Variants in CCNK observed in about 807,000 individuals in gnomAD.
The protein encoded by CCNK is cyclin K, also known as cyclin-K.
Under a neutral mutation model 65.0 loss-of-function variants are expected in CCNK, and 9 were observed. That is an observed-to-expected ratio of 0.14 (90% CI 0.08 to 0.24). CCNK has a LOEUF of 0.24. CCNK is among the 10% of genes least tolerant of loss of function. The pLI is 1.00. For missense variants in CCNK, 474 were observed against 720.0 expected, an observed-to-expected ratio of 0.66 and a Z score of 3.91; for synonymous variants, 279 against 270.8, an observed-to-expected ratio of 1.03 and a Z score of -0.30.
At chr14:99,504,007 G>C (rs3918092) in intron 9 of CCNK, 109 of 352,736 alleles carry the variant, frequency 3.1e-4, no homozygotes, top group South Asian at 1.2e-3. Context: ...CAGCAGATGC[G>C]GGGGGGCAGT....
intron 9 of CCNK, chr14:99,503,875 G>A (rs972374149): frequency 5.5e-6 from 3 of 546,068 alleles, no homozygotes; most frequent in Admixed American, 3.4e-5. Flanking sequence ...CAATAAAAAT[G>A]TACTCAGTAA....
intron 2 of CCNK, 148 bp downstream of exon 2, chr14:99,493,022 T>C: frequency 2.7e-6 from 2 of 742,706 alleles, no homozygotes; most frequent in South Asian, 4.6e-5. Flanking sequence ...CTGGTGGGGG[T>C]TTTTCTCTTT....
chr14:99,506,337 T>A (rs1473102526), intron 9 of CCNK: 1 of 152,258 alleles, frequency 6.6e-6, no homozygotes, highest in Non-Finnish European at 1.5e-5. Flanking sequence ...AGGGTTCTTT[T>A]TCAGTTGTGA....
At chr14:99,494,759 C>T (rs1896665161) in intron 3 of CCNK, 1 of 152,250 alleles carries the variant, frequency 6.6e-6, no homozygotes, top group African/African-American at 2.4e-5. Flanking sequence ...ATAATTTACA[C>T]ACAACAGAAA....
At chr14:99,500,691 G>A in intron 4 of CCNK, 75 bp from the exon 5 acceptor site, 1 of 947,796 alleles carries the variant, frequency 1.1e-6, no homozygotes, top group Non-Finnish European at 1.7e-6. Context: ...AAATAGACAG[G>A]AAAGCTCACT....
chr14:99,507,280 G>A, intron 10 of CCNK, 133 bp downstream of exon 10: 3 of 724,734 alleles, frequency 4.1e-6, no homozygotes, highest in Non-Finnish European at 5.0e-6. Context: ...AGGAATCTTT[G>A]CAAAATTGTT....
At chr14:99,495,768 C>T in intron 4 of CCNK, 139 bp downstream of exon 4, 1 of 679,728 alleles carries the variant, frequency 1.5e-6, no homozygotes, top group Non-Finnish European at 2.4e-6. Context: ...GTAGAAGTTA[C>T]TTGATGCTTT....
At chr14:99,491,306 T>TATCG (rs1896593078) in intron 1 of CCNK, among the ~76,000 whole-genome samples, 1 of 152,224 alleles carries the variant, frequency 6.6e-6, no homozygotes, top group South Asian at 2.1e-4. Context: ...TTTTGTTGGA[T>TATCG]ATCGTCAACT....
In CCNK at chr14:99,510,686, C is replaced by T. The variant is rs757709075; in HGVS notation, c.1647C>T (p.Ala549=). Residue 549 remains alanine, a synonymous_variant, in exon 11 of 11, where the codon GCC becomes GCT. Coordinates refer to ENST00000389879, the MANE Select transcript of CCNK (RefSeq NM_001099402.2). The part of the protein sequence containing the change: ...GLPPASYPPP[A]VPPGGQPPVP... ...CGCCAGCCAGCTACCCACCTCCTGC[C>T]GTCCCCCCTGGAGGACAGCCTCCTG... 3.7e-5 allele frequency: 52 copies of T among 1,407,162 alleles called. No individual in the cohort carries two copies. The Admixed American group carries it at 6.8e-4, about 18-fold the overall frequency. 87.2% of individuals were successfully genotyped at this position (1,407,162 alleles called of 1,614,324 possible).
At chr14:99,492,454 A>G (rs1896615511) in intron 1 of CCNK, 172 bp from the exon 2 acceptor site, 2 of 506,500 alleles carry the variant, frequency 3.9e-6, no homozygotes, top group Non-Finnish European at 6.8e-6. Context: ...TACTGGGGTC[A>G]TCTTACAGTA....
intron 6 of CCNK, chr14:99,501,710 T>C: frequency 2.8e-6 from 1 of 355,410 alleles, no homozygotes; most frequent in African/African-American, 2.1e-5. Context: ...TAGAGCCCAT[T>C]TGGTTTTGCA....
chr14:99,493,642 T>C (rs1447132066), intron 3 of CCNK, 47 bp downstream of exon 3: 7 of 1,292,634 alleles, frequency 5.4e-6, no homozygotes, highest in African/African-American at 1.5e-5. Flanking sequence ...TGTTATTATT[T>C]CCACACAGTT....
chr14:99,502,772 C>T lies in CCNK; in HGVS notation c.799C>T (p.His267Tyr), dbSNP rs1325330474. 1.9e-6 allele frequency: 3 copies of T among 1,613,700 alleles called. No homozygotes were observed. Among genetic ancestry groups the T allele is most frequent in the Non-Finnish European group, 2.5e-6 (3 of 1,179,774 alleles). The change falls in exon 8 of 11, where the codon CAT (histidine) becomes TAT (tyrosine). Residue 267 changes from histidine to tyrosine, a missense_variant. By Grantham distance (83) the His-to-Tyr change is moderately conservative (BLOSUM62 2). Around this residue, in one of 6 missense-constraint regions of CCNK, gnomAD observed 67 missense variants for 150.2 expected, o/e 0.45. Transcript: ENST00000389879. ...LYSQGKQQMPHHTPHQLQQPP... is the reference protein window; with the variant it reads ...LYSQGKQQMPYHTPHQLQQPP... Reference sequence around the variant, plus strand: ...CTCACAAGGAAAACAACAGATGCCTCATCACACCCCCCATCAGCTGCAACA... The same window carrying T: ...CTCACAAGGAAAACAACAGATGCCTTATCACACCCCCCATCAGCTGCAACA...
chr14:99,496,571 G>A (rs3918072), intron 4 of CCNK, among the ~76,000 whole-genome samples: 4 of 151,958 alleles, frequency 2.6e-5, no homozygotes, highest in East Asian at 1.9e-4. Context: ...TTAACCGGGC[G>A]TGGTGGTGGG....
chr14:99,489,817 T>G lies in CCNK; in HGVS notation c.-52-2809T>G, dbSNP rs547379671. 1.3e-4 allele frequency among the ~76,000 whole-genome samples: 20 copies of G among 152,226 alleles called. No homozygotes were observed. In the South Asian group the frequency reaches 4.1e-3, roughly 32 times the overall value. ...CACCTAATGGCCACATTGGAATAATTTGAGCAACAAAATAAATAATGATAG... is the reference window on the plus strand; with the variant it reads ...CACCTAATGGCCACATTGGAATAATGTGAGCAACAAAATAAATAATGATAG... On this transcript the variant is annotated intron_variant, in intron 1 of 10. Coordinates refer to ENST00000389879, the MANE Select transcript of CCNK (RefSeq NM_001099402.2).
intron 9 of CCNK, chr14:99,504,183 G>A (rs1462460770): frequency 4.2e-6 from 1 of 235,648 alleles, no homozygotes; most frequent in South Asian, 3.6e-5. Context: ...AGCAAAATTG[G>A]AACAATTACA....
At chr14:99,497,832 CTTAA>C (rs1896734898) in intron 4 of CCNK, among the ~76,000 whole-genome samples, 1 of 152,134 alleles carries the variant, frequency 6.6e-6, no homozygotes, top group African/African-American at 2.4e-5. Context: ...CTCTTTTGAA[CTTAA>C]TTATAAATCC....
chr14:99,488,466 C>T (rs1466872542), intron 1 of CCNK, among the ~76,000 whole-genome samples: 1 of 152,042 alleles, frequency 6.6e-6, no homozygotes, highest in African/African-American at 2.4e-5. Flanking sequence ...CCATGTTGTG[C>T]TTTTTTCACT....
chr14:99,482,009 G>T (rs895461152), intron 1 of CCNK, among the ~76,000 whole-genome samples: 1 of 152,176 alleles, frequency 6.6e-6, no homozygotes, highest in Non-Finnish European at 1.5e-5. Context: ...CCCAGACATC[G>T]TCTTTACGGA....
Sources: allele counts gnomAD v4.1 joint callset (sites outside exome capture counted in the v4.1 genomes callset), GRCh38; gene constraint gnomAD v4.1.1; regional missense constraint gnomAD v4.1.1; transcripts MANE v1.5; gene names NCBI Gene and HGNC (gene_info 2026-07-23, HGNC 2026-07-21).